Variants in DCAF5 observed in about 807,000 individuals in gnomAD.
DCAF5 encodes DDB1 and CUL4 associated factor 5.
DCAF5 carries 9 observed loss-of-function variants against 80.7 expected under a neutral mutation model. That is an observed-to-expected ratio of 0.11 (90% CI 0.07 to 0.19). The LOEUF (loss-of-function observed/expected upper bound fraction) is 0.19. DCAF5 is among the 10% of genes least tolerant of loss of function. The probability of loss-of-function intolerance (pLI) is 1.00; values close to 1 mark genes in which losing one functional copy is unlikely to be tolerated. For missense variants in DCAF5, 842 were observed against 1,205.7 expected (o/e 0.70, Z 4.47); for synonymous variants, 433 against 461.9 (o/e 0.94, Z 0.80).
intron 5 of DCAF5, among the ~76,000 whole-genome samples, chr14:69,100,168 G>C (rs2039900946): frequency 6.6e-6 from 1 of 152,126 alleles, no homozygotes; most frequent in Non-Finnish European, 1.5e-5. Context: ...ACATTAACTA[G>C]ACTATAGAAC....
chr14:69,129,598 T>C (rs563408932), intron 1 of DCAF5, among the ~76,000 whole-genome samples: 68 of 152,316 alleles, frequency 4.5e-4, no homozygotes, highest in South Asian at 3.3e-3. Flanking sequence ...AGATTTATTG[T>C]TTAGTTCCAC....
Position 69,124,999 on chromosome 14 carries a change from A to C in DCAF5, c.215-2639T>G, listed in dbSNP as rs115445515. ...CCTCTGCCTCAGTTTCATCAAACAT[A>C]AAATGGTAATCATAATACTTCTTCT... On this transcript the variant is annotated intron_variant, in intron 1 of 8. Coordinates refer to ENST00000341516, the MANE Select transcript of DCAF5 (RefSeq NM_003861.3). 5.9e-3 allele frequency among the ~76,000 whole-genome samples: 900 copies of C among 152,320 alleles called. 3 individuals carry two copies. Among genetic ancestry groups the C allele is most frequent in the African/African-American group, 0.019 (773 of 41,566 alleles).
intron 7 of DCAF5, among the ~76,000 whole-genome samples, chr14:69,065,702 G>T (rs1332067974): frequency 6.6e-6 from 1 of 152,202 alleles, no homozygotes; most frequent in Admixed American, 6.5e-5. Context: ...ATTAGTCCTA[G>T]AAATTTGTAT....
At chr14:69,076,199 G>A (rs113354947) in intron 6 of DCAF5, among the ~76,000 whole-genome samples, 18 of 151,844 alleles carry the variant, frequency 1.2e-4, no homozygotes, top group African/African-American at 3.4e-4. Flanking sequence ...AATGACTAAC[G>A]AACGGTGCAA....
At chr14:69,131,469 A>C (rs771603059) in intron 1 of DCAF5, among the ~76,000 whole-genome samples, 2 of 152,196 alleles carry the variant, frequency 1.3e-5, no homozygotes, top group Non-Finnish European at 2.9e-5. Flanking sequence ...ATGGAAAATA[A>C]GTCTGTTTTG....
chr14:69,119,750 T>C (rs1044828570), intron 2 of DCAF5, among the ~76,000 whole-genome samples: 13 of 151,354 alleles, frequency 8.6e-5, no homozygotes, highest in African/African-American at 3.2e-4. Context: ...AACAAAACTG[T>C]GGCCATCAAG....
chr14:69,093,943 A>G lies in DCAF5; in HGVS notation c.666-2056T>C, dbSNP rs146674758. ...ACAGGCCACACTCTCTTGCATACAG[A>G]AAATGAATGACAGGATTGTTAGAGA... On this transcript the variant is annotated intron_variant, in intron 5 of 8. Transcript: ENST00000341516. Among the ~76,000 whole-genome samples, 5 of 152,330 alleles carry G rather than the reference A, an allele frequency of 3.3e-5. No individual in the cohort carries two copies. In the East Asian group the frequency reaches 9.6e-4, roughly 29 times the overall value.
At chr14:69,124,380 T>C (rs1453787853) in intron 1 of DCAF5, among the ~76,000 whole-genome samples, 2 of 152,168 alleles carry the variant, frequency 1.3e-5, no homozygotes, top group African/African-American at 4.8e-5. Context: ...ACTGCTTGAC[T>C]TTTTGCCACA....
chr14:69,120,512 A>G (rs1264151225), intron 2 of DCAF5, among the ~76,000 whole-genome samples: 1 of 152,188 alleles, frequency 6.6e-6, no homozygotes, highest in East Asian at 1.9e-4. Flanking sequence ...TATATTCATG[A>G]TATGTGTAGT....
At chr14:69,096,343 T>C (rs1020776311) in intron 5 of DCAF5, among the ~76,000 whole-genome samples, 1 of 152,226 alleles carries the variant, frequency 6.6e-6, no homozygotes, top group Non-Finnish European at 1.5e-5. Flanking sequence ...GATCTGTGAA[T>C]GAACACATTT....
chr14:69,130,709 G>A (rs565274061), intron 1 of DCAF5, among the ~76,000 whole-genome samples: 34 of 152,266 alleles, frequency 2.2e-4, no homozygotes, highest in Non-Finnish European at 4.1e-4. Flanking sequence ...AAAATATAAC[G>A]TATTAGTGAC....
In DCAF5 at chr14:69,115,116, A is replaced by G. The variant is rs1194552639; in HGVS notation, c.665+1250T>C. Among the ~76,000 whole-genome samples the G allele has an allele frequency of 2.0e-5, 3 of 152,220 alleles. No homozygotes were observed. In the South Asian group the frequency reaches 6.2e-4, roughly 31 times the overall value. The stretch of plus-strand genomic sequence containing the variant: ...TAAAGAGCCTGAAGTAGCAGAGAAC[A>G]CTGCAGATGAACACAGTTGTCTTCT... On this transcript the variant is annotated intron_variant, in intron 5 of 8. Transcript: ENST00000341516.
At chr14:69,064,157 T>C (rs1439590053) in intron 7 of DCAF5, among the ~76,000 whole-genome samples, 1 of 151,910 alleles carries the variant, frequency 6.6e-6, no homozygotes, top group East Asian at 1.9e-4. Context: ...CTAGAGAGAA[T>C]TAGGGAAGAG....
intron 7 of DCAF5, among the ~76,000 whole-genome samples, chr14:69,063,205 G>A (rs1048787919): frequency 1.1e-4 from 17 of 152,300 alleles, no homozygotes; most frequent in South Asian, 2.1e-4. Context: ...AGAGGACATC[G>A]ATAGAAAGCT....
rs1156678043 is a variant in DCAF5 at position 69,065,010 on chromosome 14, T to G, written c.947-2499A>C. Among the ~76,000 whole-genome samples, 2 of 152,028 alleles carry G rather than the reference T, an allele frequency of 1.3e-5. 1 individual carries two copies. The highest frequency in any genetic ancestry group is 4.2e-4 in the South Asian group (2 of 4,810). On this transcript the variant is annotated intron_variant, in intron 7 of 8. Transcript: ENST00000341516. ...GAACACAATTAAAGTAACTATCAGA[T>G]CTAAAGACTAATTGAAGGCTATCAA...
At chr14:69,102,994 T>C (rs1257961651) in intron 5 of DCAF5, among the ~76,000 whole-genome samples, 1 of 152,220 alleles carries the variant, frequency 6.6e-6, no homozygotes, top group African/African-American at 2.4e-5. Flanking sequence ...GAATGTGTTG[T>C]GCTACATTAT....
chr14:69,086,955 T>C (rs1479626076), intron 6 of DCAF5, among the ~76,000 whole-genome samples: 1 of 152,224 alleles, frequency 6.6e-6, no homozygotes, highest in Non-Finnish European at 1.5e-5. Flanking sequence ...ATCTTATACT[T>C]TCTCCTTTTG....
At chr14:69,119,054 A>AG (rs2040624566) in intron 3 of DCAF5, 140 bp downstream of exon 3, 2 of 737,444 alleles carry the variant, frequency 2.7e-6, no homozygotes, top group Non-Finnish European at 4.2e-6. Context: ...AAACTATTGT[A>AG]GGAATTTTTT....
intron 5 of DCAF5, among the ~76,000 whole-genome samples, chr14:69,101,087 C>A (rs1193164798): frequency 6.6e-6 from 1 of 152,116 alleles, no homozygotes; most frequent in Admixed American, 6.6e-5. Flanking sequence ...TGGAGGAGAC[C>A]AAGGTCCTGA....
Sources: allele counts gnomAD v4.1 joint callset (sites outside exome capture counted in the v4.1 genomes callset), GRCh38; gene constraint gnomAD v4.1.1; transcripts MANE v1.5; gene names NCBI Gene and HGNC (gene_info 2026-07-23, HGNC 2026-07-21).